The following PCBP3 variants were observed in gnomAD, a reference collection of about 807,000 sequenced individuals.
PCBP3 encodes the protein poly(rC) binding protein 3, also known as poly(rC)-binding protein 3.
A neutral mutation model predicts 52.7 loss-of-function variants in PCBP3; 25 were observed. The ratio of observed to expected loss-of-function variants is 0.47; its 90% CI spans 0.35 to 0.66. The LOEUF (loss-of-function observed/expected upper bound fraction) is 0.66. Among genes scored for constraint, PCBP3 ranks in the 30% least tolerant of loss-of-function variants. The pLI is 0.01. For missense variants in PCBP3, 391 were observed against 490.3 expected, an observed-to-expected ratio of 0.80 and a Z score of 1.91; for synonymous variants, 162 against 183.0, an observed-to-expected ratio of 0.89 and a Z score of 0.93.
intron 5 of PCBP3, among the ~76,000 whole-genome samples, chr21:45,895,840 A>G (rs2095810709): frequency 6.6e-6 from 1 of 152,254 alleles, no homozygotes; most frequent in African/African-American, 2.4e-5. Context: ...GCAAAGCCCC[A>G]GGGCGCTGGG....
At chr21:45,797,856 G>C (rs62214566) in intron 4 of PCBP3, among the ~76,000 whole-genome samples, 3 of 33,888 alleles carry the variant, frequency 8.9e-5, no homozygotes, top group Non-Finnish European at 1.8e-4. Flanking sequence ...ATGGATGGAC[G>C]AATGCATGGA....
intron 2 of PCBP3, among the ~76,000 whole-genome samples, chr21:45,719,058 G>T (rs2084428319): frequency 6.6e-6 from 1 of 152,166 alleles, no homozygotes; most frequent in African/African-American, 2.4e-5. Context: ...CAGCTAATGG[G>T]ACGGGAGGTC....
intron 4 of PCBP3, among the ~76,000 whole-genome samples, chr21:45,814,036 A>G (rs923390773): frequency 5.9e-5 from 9 of 152,240 alleles, no homozygotes; most frequent in Non-Finnish European, 8.8e-5. Flanking sequence ...GCAGCCCACT[A>G]CACACCTAGG....
chr21:45,694,359 G>A (rs1015595979), intron 2 of PCBP3, among the ~76,000 whole-genome samples: 1 of 152,138 alleles, frequency 6.6e-6, no homozygotes, highest in Non-Finnish European at 1.5e-5. Context: ...ATGTAGTTAG[G>A]TTGAAAGTAG....
Position 45,903,441 on chromosome 21 carries a change from C to A in PCBP3, c.339+2328C>A, listed in dbSNP as rs867340070. Among the ~76,000 whole-genome samples the A allele has an allele frequency of 2.0e-5, 3 of 151,982 alleles. No individual in the cohort carries two copies. The South Asian group carries it at 6.2e-4, about 32-fold the overall frequency. On this transcript the variant is annotated intron_variant, in intron 9 of 17. Coordinates refer to ENST00000681687, the MANE Select transcript of PCBP3 (RefSeq NM_001384156.1). Reference sequence around the variant, plus strand: ...GTCCACGTAGATGCAAGCAGAAAGACCATCAGCTGTCATTCCCCAGGGTCC... The same window carrying A: ...GTCCACGTAGATGCAAGCAGAAAGAACATCAGCTGTCATTCCCCAGGGTCC...
chr21:45,662,091 C>T (rs1211905238), intron 1 of PCBP3, among the ~76,000 whole-genome samples: 1 of 151,788 alleles, frequency 6.6e-6, no homozygotes, highest in African/African-American at 2.4e-5. Context: ...GTTGTCTCTT[C>T]ACTCTGTTGA....
chr21:45,754,956 G>C (rs1025564275), intron 3 of PCBP3, among the ~76,000 whole-genome samples: 1 of 151,772 alleles, frequency 6.6e-6, no homozygotes, highest in East Asian at 1.9e-4. Context: ...GATTGTTCTT[G>C]GTATCTTTTT....
At chr21:45,687,224 A>G (rs1220433776) in intron 2 of PCBP3, among the ~76,000 whole-genome samples, 2 of 152,216 alleles carry the variant, frequency 1.3e-5, no homozygotes, top group South Asian at 2.1e-4. Flanking sequence ...TCAACCTATA[A>G]TTCTATTTCC....
At chr21:45,838,829 T>A (rs1271476709) in intron 4 of PCBP3, among the ~76,000 whole-genome samples, 1 of 152,194 alleles carries the variant, frequency 6.6e-6, no homozygotes, top group Non-Finnish European at 1.5e-5. Flanking sequence ...CCTACAGTCC[T>A]TCTCTCTGTG....
At chr21:45,769,601 T>G (rs2089683266) in intron 4 of PCBP3, among the ~76,000 whole-genome samples, 1 of 152,362 alleles carries the variant, frequency 6.6e-6, no homozygotes, top group East Asian at 1.9e-4. Context: ...TCTGGACCTT[T>G]TAGGTGCCTT....
At position 45,880,140 on chromosome 21, in the gene PCBP3, G is replaced by C. The variant is rs2095365530; in HGVS notation, c.11-16068G>C. 6.6e-6 allele frequency among the ~76,000 whole-genome samples: 1 copy of C among 152,190 alleles called. No homozygotes were observed. The highest frequency in any genetic ancestry group is 2.1e-4 in the South Asian group (1 of 4,834). On this transcript the variant is annotated intron_variant, in intron 5 of 17. Transcript: ENST00000681687. The surrounding 1 kb of genome is among the most constrained non-coding windows in gnomAD (Gnocchi z 5.4). ...TCTGCATCCTTTTTATTGACAAGAC[G>C]TTCCTGTCGTGAGTGGTTTTCCTCT...
In PCBP3 at chr21:45,740,131, T is replaced by G. The variant is rs189056168; in HGVS notation, c.-162+4702T>G. On this transcript the variant is annotated intron_variant, in intron 3 of 17. Transcript: ENST00000681687. ...TGCCTCAGAGTTAAGGAGAAGAGAGTTGCTTCTCTGCCCCATCCTCCGACC... is the reference window on the plus strand; with the variant it reads ...TGCCTCAGAGTTAAGGAGAAGAGAGGTGCTTCTCTGCCCCATCCTCCGACC... 1.6e-3 allele frequency among the ~76,000 whole-genome samples: 246 copies of G among 152,112 alleles called. 1 individual carries two copies. The highest frequency in any genetic ancestry group is 5.7e-3 in the African/African-American group (235 of 41,490).
At chr21:45,765,633 T>C (rs1026427788) in intron 4 of PCBP3, among the ~76,000 whole-genome samples, 1 of 152,182 alleles carries the variant, frequency 6.6e-6, no homozygotes, top group Admixed American at 6.5e-5. Context: ...GCTCTTCCAT[T>C]GTCTGCCTTC....
chr21:45,796,465 G>A (rs2091924738), intron 4 of PCBP3, among the ~76,000 whole-genome samples: 2 of 152,124 alleles, frequency 1.3e-5, no homozygotes, highest in African/African-American at 4.8e-5. Flanking sequence ...TCTGTCTTCT[G>A]TATGTATCAC....
At chr21:45,816,604 C>T (rs541751436) in intron 4 of PCBP3, among the ~76,000 whole-genome samples, 9 of 148,462 alleles carry the variant, frequency 6.1e-5, no homozygotes, top group Middle Eastern at 6.8e-3. Context: ...GTGCATGCCA[C>T]TGTCTTCCAC....
intron 11 of PCBP3, 60 bp downstream of exon 11, chr21:45,911,090 C>T (rs2096380680): frequency 3.8e-6 from 6 of 1,580,500 alleles, no homozygotes; most frequent in East Asian, 2.2e-5. Context: ...CCCAGCACTG[C>T]AGGCAAAGGC....
chr21:45,646,125 G>T (rs1402306371), intron 1 of PCBP3, among the ~76,000 whole-genome samples: 1 of 141,036 alleles, frequency 7.1e-6, no homozygotes, highest in African/African-American at 2.6e-5. Context: ...GTGTGTGTGT[G>T]TGTGTGTGTG....
rs116025450 is a variant in PCBP3 at position 45,828,422 on chromosome 21, A to G, written c.-125-21539A>G. On this transcript the variant is annotated intron_variant, in intron 4 of 17. Coordinates refer to ENST00000681687, the MANE Select transcript of PCBP3 (RefSeq NM_001384156.1). ...GGAAACCTGAGCCGAGAAGCTGCCC[A>G]CTGCCCTCCCACCCCAGTATACATG... 3.5e-3 allele frequency: 539 copies of G among 152,288 alleles called. 2 individuals carry two copies. The highest frequency in any genetic ancestry group is 0.012 in the African/African-American group (505 of 41,536). The allele number at this position is 152,288 out of a possible 1,614,324, so 9.4% of individuals were successfully genotyped here.
At chr21:45,906,252 C>T (rs764125347) in intron 9 of PCBP3, among the ~76,000 whole-genome samples, 2 of 152,146 alleles carry the variant, frequency 1.3e-5, no homozygotes, top group Non-Finnish European at 2.9e-5. Flanking sequence ...AGTTGTGTTT[C>T]GGTTCAGTAC....
Sources: allele counts gnomAD v4.1 joint callset (sites outside exome capture counted in the v4.1 genomes callset), GRCh38; gene constraint gnomAD v4.1.1; non-coding constraint Gnocchi (gnomAD v3.1); transcripts MANE v1.5; gene names NCBI Gene and HGNC (gene_info 2026-07-23, HGNC 2026-07-21).